FGF12: variants seen among roughly 807,000 people sequenced by gnomAD.
FGF12 encodes fibroblast growth factor 12, also known as fibroblast growth factor 12B.
Under a neutral mutation model 23.6 loss-of-function variants are expected in FGF12, and 14 were observed. The observed-to-expected ratio is 0.59, with a 90% CI of 0.39 to 0.93. The LOEUF is 0.93. Among genes scored for constraint, FGF12 ranks in the 40% least tolerant of loss-of-function variants. The probability of loss-of-function intolerance (pLI) is 0.00; values close to 1 mark genes in which losing one functional copy is unlikely to be tolerated. For synonymous variants in FGF12, 62 were observed against 77.3 expected (o/e 0.80, Z 1.04); for missense variants, 175 against 217.8 (o/e 0.80, Z 1.24).
intron 4 of FGF12, among the ~76,000 whole-genome samples, chr3:192,190,784 T>G (rs2108647280): frequency 6.6e-6 from 1 of 152,276 alleles, no homozygotes; most frequent in African/African-American, 2.4e-5. Flanking sequence ...CCCAATACTC[T>G]TTTTGAATTA....
chr3:192,168,213 C>G (rs1715336932), intron 5 of FGF12, among the ~76,000 whole-genome samples: 1 of 151,892 alleles, frequency 6.6e-6, no homozygotes, highest in Non-Finnish European at 1.5e-5. Context: ...ACTTTTATAA[C>G]AAGAAGAAAA....
chr3:192,280,321 A>T (rs1714068770), intron 4 of FGF12, among the ~76,000 whole-genome samples: 1 of 152,198 alleles, frequency 6.6e-6, no homozygotes, highest in Admixed American at 6.5e-5. Flanking sequence ...AAGAATTCAG[A>T]GTTTAAAATA....
At chr3:192,609,514 C>T (rs147709687) in intron 2 of FGF12, among the ~76,000 whole-genome samples, 177 of 152,212 alleles carry the variant, frequency 1.2e-3, no homozygotes, top group Middle Eastern at 3.4e-3. Context: ...CATTGCATGT[C>T]TGTTCTTAAG....
chr3:192,716,509 C>A (rs1172484588), intron 2 of FGF12, among the ~76,000 whole-genome samples: 9 of 152,122 alleles, frequency 5.9e-5, no homozygotes, highest in Non-Finnish European at 1.3e-4. Flanking sequence ...TTGTTTTAAA[C>A]TGCATACCAC....
intron 2 of FGF12, among the ~76,000 whole-genome samples, chr3:192,388,510 T>G (rs1009422304): frequency 6.9e-6 from 1 of 145,858 alleles, no homozygotes; most frequent in East Asian, 1.9e-4. Context: ...TTCTCAGATG[T>G]TGTAGAGATC....
In FGF12 at chr3:192,284,256, G is replaced by T. The variant is rs372477943; in HGVS notation, c.228+51105C>A. ...TGATGAGGAGGATCATGGAATATTC[G>T]CATTTTACCTTTGGTGACATGCTGA... On this transcript the variant is annotated intron_variant, in intron 4 of 5. Transcript: ENST00000445105. 3.9e-5 allele frequency among the ~76,000 whole-genome samples: 6 copies of T among 152,160 alleles called. No homozygotes were observed. The East Asian group carries it at 7.7e-4, about 20-fold the overall frequency.
chr3:192,722,489 T>C (rs904576398), intron 2 of FGF12, among the ~76,000 whole-genome samples: 2 of 152,164 alleles, frequency 1.3e-5, no homozygotes, highest in African/African-American at 4.8e-5. Flanking sequence ...ATGGCTGGTA[T>C]GAAATCTAGA....
rs1721067069 is a variant in FGF12 at position 192,408,616 on chromosome 3, A to G, written c.14-48078T>C. The G allele has an allele frequency of 1.9e-6, 2 of 1,041,188 alleles. No individual in the cohort carries two copies. Among genetic ancestry groups the G allele is most frequent in the Non-Finnish European group, 2.3e-6 (2 of 865,770 alleles). 64.5% of individuals were successfully genotyped at this position (1,041,188 alleles called of 1,614,324 possible). ...GAAGGGGAAGAACGATGCCCAAAAT[A>G]ACAAGACGTGCCTCTGTTGGAGAGG... On this transcript the variant is annotated intron_variant, in intron 2 of 5. Transcript: ENST00000445105. This position sits in a 1 kb window ranked among gnomAD's most constrained non-coding sequence, Gnocchi z 7.3.
At chr3:192,425,372 G>T (rs1210176187) in intron 2 of FGF12, among the ~76,000 whole-genome samples, 3 of 152,106 alleles carry the variant, frequency 2.0e-5, no homozygotes, top group Non-Finnish European at 2.9e-5. Flanking sequence ...CATGAGAACT[G>T]CCCACTTAAG....
intron 4 of FGF12, among the ~76,000 whole-genome samples, chr3:192,282,210 C>T (rs892566486): frequency 5.3e-5 from 8 of 152,124 alleles, no homozygotes; most frequent in African/African-American, 1.9e-4. Flanking sequence ...TCTCAGATTT[C>T]TTGCCAATAT....
intron 4 of FGF12, among the ~76,000 whole-genome samples, chr3:192,299,719 T>C (rs182910490): frequency 2.0e-5 from 3 of 152,142 alleles, no homozygotes; most frequent in Admixed American, 6.6e-5. Context: ...TATTACCTGA[T>C]GAGTTTACAA....
rs960595145 is a variant in FGF12, at chr3:192,514,724, C to G, written c.14-154186G>C. The G allele has an allele frequency of 1.0e-6, 1 of 985,324 alleles. No individual in the cohort carries two copies. Among genetic ancestry groups the G allele is most frequent in the African/African-American group, 1.7e-5 (1 of 57,252 alleles). The allele number at this position is 985,324 out of a possible 1,614,324, so 61.0% of individuals were successfully genotyped here. A position where few individuals can be genotyped will look rare whatever the true frequency, so the allele number is the denominator to read the frequency against. On this transcript the variant is annotated intron_variant, in intron 2 of 5. Coordinates refer to ENST00000445105, the MANE Select transcript of FGF12 (RefSeq NM_004113.6). This position sits in a 1 kb window ranked among gnomAD's most constrained non-coding sequence, Gnocchi z 4.9. ...CCACAGAGACACTGCAGCATATGCA[C>G]TCCTTTCTTCAGAGAAAGCTCAAGA...
chr3:192,148,553 T>A (rs1019725403), intron 5 of FGF12, among the ~76,000 whole-genome samples: 1 of 152,222 alleles, frequency 6.6e-6, no homozygotes, highest in African/African-American at 2.4e-5. Flanking sequence ...AATGTCAATG[T>A]ACTTAACGGC....
intron 2 of FGF12, among the ~76,000 whole-genome samples, chr3:192,512,770 A>C (rs7623367): frequency 0.081 from 11,786 of 145,992 alleles, 548 homozygotes; most frequent in Admixed American, 0.18. Context: ...CTAAGTAAAA[A>C]TGCATATATA....
chr3:192,158,466 T>TGCTTTATC (rs200716599), intron 5 of FGF12, among the ~76,000 whole-genome samples: 1 of 148,792 alleles, frequency 6.7e-6, no homozygotes, highest in Admixed American at 6.6e-5. Context: ...CTTGCTTTCT[T>TGCTTTATC]GCTCTTTGTC....
chr3:192,356,918 T>C (rs998894779), intron 3 of FGF12, among the ~76,000 whole-genome samples: 4 of 152,246 alleles, frequency 2.6e-5, no homozygotes, highest in Non-Finnish European at 5.9e-5. Flanking sequence ...TCTGACAAAG[T>C]ATATGTAAAA....
chr3:192,335,159 A>G (rs1287813928), intron 4 of FGF12, among the ~76,000 whole-genome samples: 2 of 152,194 alleles, frequency 1.3e-5, no homozygotes, highest in Non-Finnish European at 2.9e-5. Context: ...TCGCATGGAG[A>G]GTAACTGCAA....
At chr3:192,578,936 G>T (rs1037938524) in intron 2 of FGF12, among the ~76,000 whole-genome samples, 1 of 152,144 alleles carries the variant, frequency 6.6e-6, no homozygotes. Context: ...CAGCCCATCT[G>T]CTCACATTTA....
chr3:192,656,957 G>C (rs964313663), intron 2 of FGF12, among the ~76,000 whole-genome samples: 9 of 152,272 alleles, frequency 5.9e-5, no homozygotes, highest in East Asian at 5.8e-4. Context: ...ACATTACTGA[G>C]GGATAGGTAT....
Sources: allele counts gnomAD v4.1 joint callset (sites outside exome capture counted in the v4.1 genomes callset), GRCh38; gene constraint gnomAD v4.1.1; non-coding constraint Gnocchi (gnomAD v3.1); transcripts MANE v1.5; gene names NCBI Gene and HGNC (gene_info 2026-07-23, HGNC 2026-07-21).